SAMHD1: variants seen among roughly 807,000 people sequenced by gnomAD.
SAMHD1 encodes the protein deoxynucleoside triphosphate triphosphohydrolase SAMHD1.
A neutral mutation model predicts 79.6 loss-of-function variants in SAMHD1; 54 were observed. The observed-to-expected ratio is 0.68, with a 90% confidence interval of 0.55 to 0.85. SAMHD1 has a LOEUF of 0.85. Among genes scored for constraint, SAMHD1 ranks in the 40% least tolerant of loss-of-function variants. The pLI is 0.00. For synonymous variants in SAMHD1, 260 were observed against 264.1 expected (o/e 0.98, Z 0.15); for missense variants, 663 against 782.7 (o/e 0.85, Z 1.82).
At chr20:36,946,484 G>C (rs2063687461) in intron 2 of SAMHD1, 1 of 423,570 alleles carries the variant, frequency 2.4e-6, no homozygotes, top group Non-Finnish European at 4.4e-6. Context: ...CTACTCAGGA[G>C]GCTGAGGCAG....
At chr20:36,910,716 C>T (rs1011273714) in intron 11 of SAMHD1, among the ~76,000 whole-genome samples, 8 of 143,848 alleles carry the variant, frequency 5.6e-5, no homozygotes, top group Non-Finnish European at 1.0e-4. Context: ...GGTGACAGAG[C>T]GAGACTCCAT....
intron 3 of SAMHD1, chr20:36,935,526 T>C (rs930975682): frequency 2.9e-6 from 1 of 339,184 alleles, no homozygotes; most frequent in African/African-American, 2.1e-5. Context: ...TTTAAACACA[T>C]TCATCCACAT....
Position 36,891,583 on chromosome 20 carries a change from T to G in SAMHD1, c.*1349A>C, listed in dbSNP as rs966270006. The G allele has an allele frequency of 6.6e-6, 1 of 152,288 alleles. No homozygotes were observed. 9.4% of individuals were successfully genotyped at this position (152,288 alleles called of 1,614,324 possible). A position where few individuals can be genotyped will look rare whatever the true frequency, so the allele number is the denominator to read the frequency against. Reference sequence around the variant, plus strand: ...AGGTGTGCCCTGGGCACAGGGGCACTGCCCCACCAAGGTGGTGCCCACTCC... The same window carrying G: ...AGGTGTGCCCTGGGCACAGGGGCACGGCCCCACCAAGGTGGTGCCCACTCC... On this transcript the variant is annotated 3_prime_UTR_variant, in exon 16 of 16. Coordinates refer to ENST00000646673, the MANE Select transcript of SAMHD1 (RefSeq NM_015474.4).
At chr20:36,903,556 C>CT (rs56285893) in intron 13 of SAMHD1, among the ~76,000 whole-genome samples, 13 of 119,468 alleles carry the variant, frequency 1.1e-4, no homozygotes, top group East Asian at 4.9e-4. Context: ...TTTTCTTTTT[C>CT]TTTTTTTTTT....
chr20:36,946,677 G>C, intron 2 of SAMHD1, 61 bp downstream of exon 2: 1 of 1,337,606 alleles, frequency 7.5e-7, no homozygotes, highest in Non-Finnish European at 1.1e-6. Flanking sequence ...TTTGGGCTTT[G>C]TCCCTGAAAG....
chr20:36,938,024 A>G (rs1831839681), intron 3 of SAMHD1, among the ~76,000 whole-genome samples: 1 of 151,780 alleles, frequency 6.6e-6, no homozygotes, highest in Non-Finnish European at 1.5e-5. Flanking sequence ...ACACCCAGCT[A>G]ATTTTTCTAT....
rs749426737 is a variant in SAMHD1 at position 36,934,015 on chromosome 20, C to CA, written c.509+1013dup. Among the ~76,000 whole-genome samples the CA allele has an allele frequency of 2.6e-5, 4 of 151,214 alleles. No homozygotes were observed. In the East Asian group the frequency reaches 6.0e-4, roughly 23 times the overall value. ...GAGCTGAGATCGTGCCATTGCACTC[C>CA]AGCCTGGGCGACGGAGTGAGACTCC... is the stretch of plus-strand genomic sequence containing the variant. On this transcript the variant is annotated intron_variant, in intron 4 of 15. Coordinates refer to ENST00000646673, the MANE Select transcript of SAMHD1 (RefSeq NM_015474.4).
chr20:36,913,956 G>A (rs1469151446), intron 9 of SAMHD1, among the ~76,000 whole-genome samples: 2 of 151,912 alleles, frequency 1.3e-5, no homozygotes, highest in African/African-American at 2.4e-5. Context: ...GTTTCACTAT[G>A]TTGGCCAGGA....
chr20:36,947,770 C>T (rs185154818), intron 1 of SAMHD1, among the ~76,000 whole-genome samples: 2 of 151,998 alleles, frequency 1.3e-5, no homozygotes, highest in Admixed American at 6.6e-5. Context: ...TGGGCTCAAG[C>T]GATCCTCCTG....
chr20:36,905,301 AGTGGTCTCCT>A (rs1254439976), intron 12 of SAMHD1, 53 bp downstream of exon 12: 1 of 1,524,512 alleles, frequency 6.6e-7, no homozygotes, highest in Non-Finnish European at 9.1e-7. Flanking sequence ...ACGATAGGTT[AGTGGTCTCCT>A]CTTGGAGGAC....
At chr20:36,926,197 A>G (rs2063535197) in intron 6 of SAMHD1, among the ~76,000 whole-genome samples, 1 of 152,196 alleles carries the variant, frequency 6.6e-6, no homozygotes, top group Non-Finnish European at 1.5e-5. Context: ...CAAAACAAGA[A>G]AGGGTAAACA....
chr20:36,898,523 T>C lies in SAMHD1; in HGVS notation c.1525A>G (p.Met509Val), dbSNP rs1177343745. 6.2e-7 allele frequency: 1 copy of C among 1,613,676 alleles called. No homozygotes were observed. The highest frequency in any genetic ancestry group is 1.7e-5 in the Admixed American group (1 of 59,984). ...IVDVINMDYGMQEKNPIDHVS... is the reference protein window; with the variant it reads ...IVDVINMDYGVQEKNPIDHVS... ...TGATCAATTGGATTCTTTTCTTGCATTCCATAATCCATGTTGATAACCTAA... is the reference window on the plus strand; with the variant it reads ...TGATCAATTGGATTCTTTTCTTGCACTCCATAATCCATGTTGATAACCTAA... The change falls in exon 14 of 16, where the codon ATG becomes GTG. Residue 509 changes from methionine to valine, a missense_variant. By Grantham distance (21) the Met-to-Val change is conservative (BLOSUM62 1). Transcript: ENST00000646673.
rs370376351 is a variant in SAMHD1 at position 36,951,476 on chromosome 20, G to A, written c.168C>T (p.Arg56=). The A allele has an allele frequency of 7.4e-6, 12 of 1,614,140 alleles. No individual in the cohort carries two copies. The highest frequency in any genetic ancestry group is 1.0e-5 in the Non-Finnish European group (12 of 1,179,990). Residue 56 remains arginine, a synonymous_variant, in exon 1 of 16, where the codon CGC becomes CGT. Coordinates refer to ENST00000646673, the MANE Select transcript of SAMHD1 (RefSeq NM_015474.4). ...GCAGCACCGGCTCTTCAAAGCCACC[G>A]CGCCTGAGGAAGGAGCACACCTGCT... The part of the protein sequence containing the change: ...GPEQVCSFLR[R]GGFEEPVLLK...
At chr20:36,917,309 T>C (rs2063481862) in intron 7 of SAMHD1, 2 of 423,344 alleles carry the variant, frequency 4.7e-6, no homozygotes, top group Non-Finnish European at 8.5e-6. Context: ...TCTATTACAT[T>C]TCCCAAAACC....
rs544177145 is a variant in SAMHD1, at chr20:36,935,289, G to C, written c.349-100C>G. On this transcript the variant is annotated intron_variant, in intron 3 of 15. Transcript: ENST00000646673. The stretch of plus-strand genomic sequence containing the variant: ...TTATAGTGCAAAGTCAAAGCTATTT[G>C]ATTTTTCAAGTAAAAATACTAACGG... 1.9e-3 allele frequency: 1,783 copies of C among 949,572 alleles called. 2 individuals are homozygous for C. Among genetic ancestry groups the C allele is most frequent in the Middle Eastern group, 3.5e-3 (15 of 4,312 alleles). The allele number at this position is 949,572 out of a possible 1,614,324, so 58.8% of individuals were successfully genotyped here.
intron 3 of SAMHD1, among the ~76,000 whole-genome samples, chr20:36,936,697 T>A (rs2063605778): frequency 6.6e-6 from 1 of 152,090 alleles, no homozygotes; most frequent in African/African-American, 2.4e-5. Flanking sequence ...GTTTGTTTTT[T>A]GAGACAGAGT....
At chr20:36,935,929 AGAAG>A (rs2063600935) in intron 3 of SAMHD1, among the ~76,000 whole-genome samples, 1 of 152,058 alleles carries the variant, frequency 6.6e-6, no homozygotes, top group African/African-American at 2.4e-5. Flanking sequence ...CAGAAAAGAA[AGAAG>A]GGAGGCAGGG....
chr20:36,944,831 T>C (rs766628309), intron 2 of SAMHD1, among the ~76,000 whole-genome samples: 1 of 151,966 alleles, frequency 6.6e-6, no homozygotes, highest in Non-Finnish European at 1.5e-5. Flanking sequence ...GAGGTGAAGG[T>C]TGAGGTAAGA....
intron 15 of SAMHD1, chr20:36,894,224 G>A (rs1400212511): frequency 3.3e-6 from 1 of 303,284 alleles, no homozygotes. Context: ...ATTAAAAATA[G>A]TTTTTAAAAA....
Sources: gnomAD v4.1 joint callset for allele counts (sites outside exome capture counted in the v4.1 genomes callset) on GRCh38, gnomAD v4.1.1 for gene constraint, MANE v1.5 for transcripts, NCBI Gene and HGNC (gene_info 2026-07-23, HGNC 2026-07-21) for gene names.